VWA8: variants seen among roughly 807,000 people sequenced by gnomAD.
The protein encoded by VWA8 is von Willebrand factor A domain containing 8.
Under a neutral mutation model 241.5 loss-of-function variants are expected in VWA8, and 221 were observed. The ratio of observed to expected loss-of-function variants is 0.91; its 90% CI spans 0.82 to 1.02. The LOEUF is 1.02. Ranked by LOEUF, VWA8 falls within the 50% of genes least tolerant of loss-of-function variation. The probability of loss-of-function intolerance (pLI) is 0.00; values close to 1 mark genes in which losing one functional copy is unlikely to be tolerated. For synonymous variants in VWA8, 852 were observed against 827.1 expected, an observed-to-expected ratio of 1.03 and a Z score of -0.52; for missense variants, 2,322 against 2,328.7, an observed-to-expected ratio of 1.00 and a Z score of 0.06.
At chr13:41,608,579 T>G (rs2044567459) in intron 39 of VWA8, among the ~76,000 whole-genome samples, 1 of 152,186 alleles carries the variant, frequency 6.6e-6, no homozygotes, top group Non-Finnish European at 1.5e-5. Context: ...CTTTTTCTTA[T>G]AGGTCACACT....
At position 41,787,550 on chromosome 13, in the gene VWA8, G is replaced by C; in HGVS notation, c.2064-7C>G. 2 of 1,592,084 alleles carry C rather than the reference G, an allele frequency of 1.3e-6. No individual in the cohort carries two copies. The highest frequency in any genetic ancestry group is 1.7e-6 in the Non-Finnish European group (2 of 1,161,890). ...AGCAAGACTGGGTAAAAACCTGGAG[G>C]ATGAAGAGGGAGGAAGGGGGAAATG... On this transcript the variant is annotated splice_polypyrimidine_tract_variant and splice_region_variant and intron_variant, in intron 17 of 44. Coordinates refer to ENST00000379310, the MANE Select transcript of VWA8 (RefSeq NM_015058.2).
At chr13:41,671,559 A>C (rs1350048215) in intron 36 of VWA8, among the ~76,000 whole-genome samples, 1 of 151,412 alleles carries the variant, frequency 6.6e-6, no homozygotes, top group Non-Finnish European at 1.5e-5. Flanking sequence ...CCCGCCCGCC[A>C]AATTCATATG....
intron 26 of VWA8, among the ~76,000 whole-genome samples, chr13:41,711,268 C>T (rs554365001): frequency 1.3e-5 from 2 of 152,226 alleles, no homozygotes; most frequent in African/African-American, 2.4e-5. Flanking sequence ...GTTGGAAGGA[C>T]GTTAAGGACT....
At chr13:41,817,338 C>T (rs754531405) in intron 15 of VWA8, among the ~76,000 whole-genome samples, 5 of 151,928 alleles carry the variant, frequency 3.3e-5, no homozygotes, top group African/African-American at 7.3e-5. Context: ...GAGCAATTGC[C>T]CAAATAACAC....
intron 2 of VWA8, among the ~76,000 whole-genome samples, chr13:41,928,991 T>C (rs1314343007): frequency 1.3e-5 from 2 of 152,062 alleles, no homozygotes; most frequent in African/African-American, 4.8e-5. Flanking sequence ...TCCAAAGCAG[T>C]ATACAGATTC....
At position 41,866,177 on chromosome 13, in the gene VWA8, A is replaced by T. The variant is rs557345653; in HGVS notation, c.1213-141T>A. ...AGCCTGGCCAATATGGTGAAACCCC[A>T]TCTCTACAAAAATACAAAAAAATTA... On this transcript the variant is annotated intron_variant, in intron 10 of 44. Transcript: ENST00000379310. 5.9e-5 allele frequency: 63 copies of T among 1,073,902 alleles called. No homozygotes were observed. In the African/African-American group the frequency reaches 7.7e-4, roughly 13 times the overall value. 66.5% of individuals were successfully genotyped at this position (1,073,902 alleles called of 1,614,324 possible). A position where few individuals can be genotyped will look rare whatever the true frequency, so the allele number is the denominator to read the frequency against.
At chr13:41,675,079 A>G in intron 36 of VWA8, 136 bp downstream of exon 36, 1 of 574,404 alleles carries the variant, frequency 1.7e-6, no homozygotes, top group Non-Finnish European at 3.0e-6. Flanking sequence ...GCAAGATAGA[A>G]ACCAACTGTA....
chr13:41,760,992 A>C (rs1017454396), intron 21 of VWA8, 136 bp downstream of exon 21: 1 of 843,650 alleles, frequency 1.2e-6, no homozygotes, highest in African/African-American at 1.7e-5. Context: ...AAAGGAGAGA[A>C]GAGATAAGAG....
At chr13:41,909,054 A>ATTT in intron 3 of VWA8, among the ~76,000 whole-genome samples, 1 of 143,356 alleles carries the variant, frequency 7.0e-6, no homozygotes, top group East Asian at 2.1e-4. Context: ...GAGGAAAAAA[A>ATTT]TTTTTTTTTT....
At chr13:41,934,531 A>G (rs1319722304) in intron 2 of VWA8, among the ~76,000 whole-genome samples, 3 of 152,102 alleles carry the variant, frequency 2.0e-5, no homozygotes, top group African/African-American at 4.8e-5. Flanking sequence ...CTAAGAGCCT[A>G]TAACAACCCA....
At chr13:41,639,381 T>C (rs2044780297) in intron 37 of VWA8, among the ~76,000 whole-genome samples, 1 of 152,134 alleles carries the variant, frequency 6.6e-6, no homozygotes, top group South Asian at 2.1e-4. Flanking sequence ...CTCCCAGAAG[T>C]TGTTCCTGAA....
At chr13:41,596,046 AT>A (rs2044485947) in intron 40 of VWA8, among the ~76,000 whole-genome samples, 1 of 151,984 alleles carries the variant, frequency 6.6e-6, no homozygotes, top group Non-Finnish European at 1.5e-5. Flanking sequence ...ATACTCCTTC[AT>A]TTTTATTTTT....
intron 35 of VWA8, among the ~76,000 whole-genome samples, chr13:41,683,232 T>C (rs929791046): frequency 6.6e-6 from 1 of 151,654 alleles, no homozygotes; most frequent in Non-Finnish European, 1.5e-5. Context: ...GGTACATCTA[T>C]ATAATAGGCA....
intron 40 of VWA8, among the ~76,000 whole-genome samples, chr13:41,600,752 C>T (rs1392357482): frequency 2.0e-5 from 3 of 152,132 alleles, no homozygotes; most frequent in African/African-American, 7.2e-5. Context: ...TGTCCTCTTC[C>T]TGTGTCTCTT....
rs149571852 is a variant in VWA8, at chr13:41,811,297, C to T, written c.1991G>A (p.Arg664Gln). ...ATACTGTGACAGCCGACGAGAAATT[C>T]GCAACAGTTGTCTGGTAGAAAGTGA... ...AASLSTRQLL[R>Q]ISRRLSQYPN... The change falls in exon 17 of 45, where the codon CGA (arginine) becomes CAA (glutamine). Residue 664 changes from arginine to glutamine, a missense_variant. Arg to Gln is a conservative substitution (Grantham distance 43, BLOSUM62 1). Transcript: ENST00000379310. 1.6e-4 allele frequency: 260 copies of T among 1,610,454 alleles called. 2 individuals are homozygous for T. Among genetic ancestry groups the T allele is most frequent in the Middle Eastern group, 5.0e-4 (3 of 6,036 alleles).
chr13:41,718,450 G>A (rs1296923303), intron 26 of VWA8, among the ~76,000 whole-genome samples: 10 of 151,830 alleles, frequency 6.6e-5, no homozygotes, highest in Admixed American at 6.6e-4. Context: ...GTGTGCATTT[G>A]CAACTGCCAC....
At chr13:41,956,697 G>A (rs1178506982) in intron 1 of VWA8, among the ~76,000 whole-genome samples, 4 of 152,018 alleles carry the variant, frequency 2.6e-5, no homozygotes, top group Admixed American at 2.6e-4. Context: ...GTAGCCCAAG[G>A]ATATAATCTT....
At chr13:41,727,100 G>C (rs1020077566) in intron 24 of VWA8, 94 bp downstream of exon 24, 13 of 975,502 alleles carry the variant, frequency 1.3e-5, no homozygotes, top group Non-Finnish European at 1.6e-5. Context: ...TGGTGGCACA[G>C]CACATGATAA....
At chr13:41,603,905 C>T (rs983802289) in intron 40 of VWA8, among the ~76,000 whole-genome samples, 1 of 152,160 alleles carries the variant, frequency 6.6e-6, no homozygotes, top group Non-Finnish European at 1.5e-5. Context: ...CGTCTCATAG[C>T]ATTGTGTGCA....
Sources: gnomAD v4.1 joint callset for allele counts (sites outside exome capture counted in the v4.1 genomes callset) on GRCh38, gnomAD v4.1.1 for gene constraint, MANE v1.5 for transcripts, NCBI Gene and HGNC (gene_info 2026-07-23, HGNC 2026-07-21) for gene names.